The following SLC32A1 variants were observed in gnomAD, a reference collection of about 807,000 sequenced individuals.
SLC32A1 encodes the protein solute carrier family 32 member 1, also known as vesicular inhibitory amino acid transporter.
SLC32A1 carries 8 observed loss-of-function variants against 35.5 expected under a neutral mutation model. The ratio of observed to expected loss-of-function variants is 0.23; its 90% CI spans 0.13 to 0.41. The LOEUF (loss-of-function observed/expected upper bound fraction) is 0.41, where lower values mean the gene tolerates loss of function less well. Ranked by LOEUF, SLC32A1 falls within the 10% of genes least tolerant of loss-of-function variation. The pLI, the probability that SLC32A1 is intolerant of heterozygous loss-of-function variation, is 1.00. For synonymous variants in SLC32A1, 317 were observed against 326.3 expected, an observed-to-expected ratio of 0.97 and a Z score of 0.31; for missense variants, 493 against 722.3, an observed-to-expected ratio of 0.68 and a Z score of 3.64.
At position 38,726,802 on chromosome 20, in the gene SLC32A1, T is replaced by C. The variant is rs780880972; in HGVS notation, c.391-650T>C. On this transcript the variant is annotated intron_variant, in intron 1 of 1. Coordinates refer to ENST00000217420, the MANE Select transcript of SLC32A1 (RefSeq NM_080552.3). This position sits in a 1 kb window ranked among gnomAD's most constrained non-coding sequence, Gnocchi z 4.7. The stretch of plus-strand genomic sequence containing the variant: ...GCGCTGCTCCCCAAGCGTCTTCACA[T>C]TGTCTCTGTTCTTGCCTCCCAGGGG... 1.3e-5 allele frequency among the ~76,000 whole-genome samples: 2 copies of C among 152,106 alleles called. No homozygotes were observed. The highest frequency in any genetic ancestry group is 2.4e-5 in the African/African-American group (1 of 41,424).
rs1261028946 is a variant in SLC32A1, at chr20:38,725,003, G to T, written c.279G>T (p.Leu93=). Residue 93 remains leucine (L), a synonymous_variant, in exon 1 of 2, where the codon CTG becomes CTT. Coordinates refer to ENST00000217420, the MANE Select transcript of SLC32A1 (RefSeq NM_080552.3). Reference sequence around the variant, plus strand: ...ATCAGCGAGGCAGCGGAGCTCCTCTGCCGCCCTCCGGCTCCAAGGACCAGG... The same window carrying T: ...ATCAGCGAGGCAGCGGAGCTCCTCTTCCGCCCTCCGGCTCCAAGGACCAGG... ...IHYQRGSGAP[L]PPSGSKDQVG... is the part of the protein sequence containing the mutation. The T allele has an allele frequency of 1.3e-6, 2 of 1,574,686 alleles. No individual in the cohort carries two copies. Among genetic ancestry groups the T allele is most frequent in the East Asian group, 2.3e-5 (1 of 44,246 alleles).
chr20:38,726,334 G>C lies in SLC32A1; in HGVS notation c.391-1118G>C, dbSNP rs1332010768. Among the ~76,000 whole-genome samples, 3 of 152,124 alleles carry C rather than the reference G, an allele frequency of 2.0e-5. No homozygotes were observed. The highest frequency in any genetic ancestry group is 4.4e-5 in the Non-Finnish European group (3 of 68,014). On this transcript the variant is annotated intron_variant, in intron 1 of 1. Coordinates refer to ENST00000217420, the MANE Select transcript of SLC32A1 (RefSeq NM_080552.3). This position sits in a 1 kb window ranked among gnomAD's most constrained non-coding sequence, Gnocchi z 4.7. The stretch of plus-strand genomic sequence containing the variant: ...GGACTCCACCGGGCCCCGAACACCA[G>C]ATGGCCCGACCCAAGGCGCTTTCCG...
Position 38,726,730 on chromosome 20 carries a change from C to G in SLC32A1, c.391-722C>G, listed in dbSNP as rs998154504. On this transcript the variant is annotated intron_variant, in intron 1 of 1. Transcript: ENST00000217420. The surrounding 1 kb of genome is among the most constrained non-coding windows in gnomAD (Gnocchi z 4.7). Reference sequence around the variant, plus strand: ...CGCCCTCGCCTCACTCTAACTCCAGCCTTGTCCTAAGACTCTCAATTTCCA... The same window carrying G: ...CGCCCTCGCCTCACTCTAACTCCAGGCTTGTCCTAAGACTCTCAATTTCCA... Among the ~76,000 whole-genome samples the G allele has an allele frequency of 2.0e-5, 3 of 152,086 alleles. No homozygotes were observed. The highest frequency in any genetic ancestry group is 2.1e-4 in the South Asian group (1 of 4,824).
At chr20:38,725,426 G>A (rs951443081) in intron 1 of SLC32A1, among the ~76,000 whole-genome samples, 5 of 152,232 alleles carry the variant, frequency 3.3e-5, no homozygotes, top group Non-Finnish European at 7.3e-5. Context: ...CGATGAGAAA[G>A]AAAGAAAATC....
rs954262066 is a variant in SLC32A1, at chr20:38,726,536, C to G, written c.391-916C>G. ...TCCGGGACCCTGGATTTCGTTAGCT[C>G]TTAGTCCCCGTGTGGATTCTAAACC... On this transcript the variant is annotated intron_variant, in intron 1 of 1. Transcript: ENST00000217420. This position sits in a 1 kb window ranked among gnomAD's most constrained non-coding sequence, Gnocchi z 4.7. Among the ~76,000 whole-genome samples the G allele has an allele frequency of 6.6e-6, 1 of 152,158 alleles. No individual in the cohort carries two copies. The highest frequency in any genetic ancestry group is 2.4e-5 in the African/African-American group (1 of 41,420).
In SLC32A1 at chr20:38,724,596, A is replaced by G; in HGVS notation, c.-129A>G. On this transcript the variant is annotated 5_prime_UTR_variant, in exon 1 of 2. Coordinates refer to ENST00000217420, the MANE Select transcript of SLC32A1 (RefSeq NM_080552.3). The stretch of plus-strand genomic sequence containing the variant: ...GCCAGCTGCGAGGGTCATGAGCCAG[A>G]GAGCCCCGGGGCGCCGCGCGGAGAG... 3 of 1,179,004 alleles carry G rather than the reference A, an allele frequency of 2.5e-6. No individual in the cohort carries two copies. The highest frequency in any genetic ancestry group is 3.5e-6 in the Non-Finnish European group (3 of 861,774). 73.0% of individuals were successfully genotyped at this position (1,179,004 alleles called of 1,614,324 possible). A position where few individuals can be genotyped will look rare whatever the true frequency, so the allele number is the denominator to read the frequency against.
chr20:38,728,779 C>T lies in SLC32A1; in HGVS notation c.*140C>T, dbSNP rs904449221. 2 of 314,136 alleles carry T rather than the reference C, an allele frequency of 6.4e-6. No individual in the cohort carries two copies. The highest frequency in any genetic ancestry group is 1.3e-5 in the Non-Finnish European group (2 of 159,060). 19.5% of individuals were successfully genotyped at this position (314,136 alleles called of 1,614,324 possible). On this transcript the variant is annotated 3_prime_UTR_variant, in exon 2 of 2. Coordinates refer to ENST00000217420, the MANE Select transcript of SLC32A1 (RefSeq NM_080552.3). ...CTCTGGTTCCTAGTTTCTGATTATT[C>T]GGGGATGGGGGGGATGGGAGGGGAC...
chr20:38,728,369 C>T lies in SLC32A1; in HGVS notation c.1308C>T (p.Arg436=). ...GRLKSWGLTL[R]CALVVFTLLM... is the part of the protein sequence containing the mutation. The stretch of plus-strand genomic sequence containing the variant: ...TGAAGTCCTGGGGGCTGACGCTGCG[C>T]TGCGCGCTCGTCGTCTTCACGCTGC... The change falls in exon 2 of 2, where the codon CGC becomes CGT. Residue 436 remains arginine (R), a synonymous_variant. Coordinates refer to ENST00000217420, the MANE Select transcript of SLC32A1 (RefSeq NM_080552.3). The T allele has an allele frequency of 6.2e-7, 1 of 1,611,530 alleles. No individual in the cohort carries two copies. The highest frequency in any genetic ancestry group is 8.5e-7 in the Non-Finnish European group (1 of 1,179,144).
Position 38,725,093 on chromosome 20 carries a change from G to T in SLC32A1, c.369G>T (p.Trp123Cys). The change falls in exon 1 of 2, where the codon TGG becomes TGT. Residue 123 changes from tryptophan to cysteine, a missense_variant. By Grantham distance (215) the Trp-to-Cys change is radical (BLOSUM62 -2). Transcript: ENST00000217420. The part of the protein sequence containing the change: ...KPKITAWEAG[W>C]NVTNAIQGMF... ...AAATCACGGCGTGGGAGGCAGGCTG[G>T]AACGTGACCAACGCCATCCAGGTAA... 1 of 1,515,780 alleles carries T rather than the reference G, an allele frequency of 6.6e-7. No individual in the cohort carries two copies. Among genetic ancestry groups the T allele is most frequent in the Non-Finnish European group, 8.8e-7 (1 of 1,133,290 alleles). 93.9% of individuals were successfully genotyped at this position (1,515,780 alleles called of 1,614,324 possible).
Position 38,728,726 on chromosome 20 carries a change from C to G in SLC32A1, c.*87C>G. 3 of 1,276,002 alleles carry G rather than the reference C, an allele frequency of 2.4e-6. No homozygotes were observed. Among genetic ancestry groups the G allele is most frequent in the South Asian group, 3.0e-5 (2 of 66,552 alleles). The allele number at this position is 1,276,002 out of a possible 1,614,324, so 79.0% of individuals were successfully genotyped here. A position where few individuals can be genotyped will look rare whatever the true frequency, so the allele number is the denominator to read the frequency against. Reference sequence around the variant, plus strand: ...CCACCAGCCCAGTGCGCCCTGCCGCCGCGCTTGGGAGGCCAAGCTTTAAAC... The same window carrying G: ...CCACCAGCCCAGTGCGCCCTGCCGCGGCGCTTGGGAGGCCAAGCTTTAAAC... On this transcript the variant is annotated 3_prime_UTR_variant, in exon 2 of 2. Transcript: ENST00000217420.
intron 1 of SLC32A1, among the ~76,000 whole-genome samples, chr20:38,727,060 C>G (rs2084278916): frequency 6.6e-6 from 1 of 152,058 alleles, no homozygotes; most frequent in Non-Finnish European, 1.5e-5. Context: ...CCCTTCTGTC[C>G]CTTCTCATCT....
chr20:38,727,382 G>GC (rs888545256), intron 1 of SLC32A1, 70 bp from the exon 2 acceptor site: 9 of 1,459,952 alleles, frequency 6.2e-6, no homozygotes, highest in Admixed American at 1.7e-5. Flanking sequence ...GTTAAGCCAC[G>GC]CCCCCCGGGC....
In SLC32A1 at chr20:38,728,649, G is replaced by A. The variant is rs1230083757; in HGVS notation, c.*10G>A. The A allele has an allele frequency of 5.1e-6, 8 of 1,566,592 alleles. No homozygotes were observed. The highest frequency in any genetic ancestry group is 6.9e-6 in the Non-Finnish European group (8 of 1,156,056). On this transcript the variant is annotated 3_prime_UTR_variant, in exon 2 of 2. Transcript: ENST00000217420. Reference sequence around the variant, plus strand: ...CAACGCGGAGGACTAGGGCGCAAGGGCGAGCCCCCGCCGCGCTTCTGCGCT... The same window carrying A: ...CAACGCGGAGGACTAGGGCGCAAGGACGAGCCCCCGCCGCGCTTCTGCGCT...
At chr20:38,727,101 C>T (rs774329964) in intron 1 of SLC32A1, among the ~76,000 whole-genome samples, 16 of 152,112 alleles carry the variant, frequency 1.1e-4, no homozygotes, top group Admixed American at 2.6e-4. Context: ...TGTTCCTGTC[C>T]CCAGAAACCA....
At position 38,726,281 on chromosome 20, in the gene SLC32A1, G is replaced by C. The variant is rs1407607286; in HGVS notation, c.390+1167G>C. Among the ~76,000 whole-genome samples the C allele has an allele frequency of 6.6e-6, 1 of 152,210 alleles. No individual in the cohort carries two copies. The highest frequency in any genetic ancestry group is 1.5e-5 in the Non-Finnish European group (1 of 68,042). On this transcript the variant is annotated intron_variant, in intron 1 of 1. Transcript: ENST00000217420. The surrounding 1 kb of genome is among the most constrained non-coding windows in gnomAD (Gnocchi z 4.7). ...GTTTTCTGGGAGCAGAGGCCTCCCAGGGGTTGTTCCATGTATCGGGGTAAG... is the reference window on the plus strand; with the variant it reads ...GTTTTCTGGGAGCAGAGGCCTCCCACGGGTTGTTCCATGTATCGGGGTAAG...
Position 38,728,816 on chromosome 20 carries a change from A to C in SLC32A1, c.*177A>C. 2 of 601,298 alleles carry C rather than the reference A, an allele frequency of 3.3e-6. No homozygotes were observed. The highest frequency in any genetic ancestry group is 5.7e-6 in the Non-Finnish European group (2 of 350,552). 37.2% of individuals were successfully genotyped at this position (601,298 alleles called of 1,614,324 possible). ...GGATGGGAGGGGACAGGGATTCACG[A>C]TCCATCGCGTCTGCGTTTCTGTTGT... On this transcript the variant is annotated 3_prime_UTR_variant, in exon 2 of 2. Coordinates refer to ENST00000217420, the MANE Select transcript of SLC32A1 (RefSeq NM_080552.3).
intron 1 of SLC32A1, among the ~76,000 whole-genome samples, chr20:38,725,451 C>T (rs903005506): frequency 2.6e-5 from 4 of 152,176 alleles, no homozygotes; most frequent in African/African-American, 9.7e-5. Flanking sequence ...TTGGAGGGCA[C>T]GGTTTGGTCT....
At position 38,724,828 on chromosome 20, in the gene SLC32A1, C is replaced by A. The variant is rs1164217464; in HGVS notation, c.104C>A (p.Ala35Glu). 2.5e-6 allele frequency: 4 copies of A among 1,613,940 alleles called. No individual in the cohort carries two copies. The highest frequency in any genetic ancestry group is 2.2e-5 in the East Asian group (1 of 44,882). The change falls in exon 1 of 2, where the codon GCG (alanine) becomes GAG (glutamate). Residue 35 changes from alanine (A) to glutamate (E), a missense_variant. Physicochemically the swap from Ala to Glu is moderately radical, Grantham distance 107. Coordinates refer to ENST00000217420, the MANE Select transcript of SLC32A1 (RefSeq NM_080552.3). ...ATGTTCGCCAGGATGGGTTTTCAGG[C>A]GGCCACGGATGAGGAGGCGGTGGGC... is the stretch of plus-strand genomic sequence containing the variant. Reference protein sequence around the residue: ...SGMFARMGFQAATDEEAVGFA... With the variant: ...SGMFARMGFQEATDEEAVGFA...
At position 38,728,341 on chromosome 20, in the gene SLC32A1, G is replaced by T. The variant is rs778245804; in HGVS notation, c.1280G>T (p.Arg427Leu). 32 of 1,612,858 alleles carry T rather than the reference G, an allele frequency of 2.0e-5. No individual in the cohort carries two copies. Among genetic ancestry groups the T allele is most frequent in the Non-Finnish European group, 2.7e-5 (32 of 1,179,774 alleles). ...FFPACYSGDG[R>L]LKSWGLTLRC... ...CCGGCCTGCTACAGCGGCGACGGGC[G>T]CCTGAAGTCCTGGGGGCTGACGCTG... Residue 427 changes from arginine to leucine, a missense_variant, in exon 2 of 2, where the codon CGC becomes CTC. Transcript: ENST00000217420.
Sources: gnomAD v4.1 joint callset for allele counts (sites outside exome capture counted in the v4.1 genomes callset) on GRCh38, gnomAD v4.1.1 for gene constraint, Gnocchi (gnomAD v3.1) non-coding constraint, MANE v1.5 for transcripts, NCBI Gene and HGNC (gene_info 2026-07-23, HGNC 2026-07-21) for gene names.